Variants in LDAH observed in about 807,000 individuals in gnomAD.
LDAH encodes lipid droplet associated hydrolase, also known as lipid droplet-associated hydrolase.
LDAH carries 26 observed loss-of-function variants against 29.6 expected under a neutral mutation model. That is an observed-to-expected ratio of 0.88 (90% CI 0.64 to 1.22). The LOEUF is 1.22. Among genes scored for constraint, LDAH ranks in the 50% most tolerant of loss-of-function variants. The pLI is 0.00. For missense variants in LDAH, 344 were observed against 387.3 expected (o/e 0.89, Z 0.94); for synonymous variants, 117 against 133.0 (o/e 0.88, Z 0.83).
chr2:20,782,676 T>C (rs1670276134), intron 3 of LDAH, among the ~76,000 whole-genome samples: 1 of 152,196 alleles, frequency 6.6e-6, no homozygotes, highest in Non-Finnish European at 1.5e-5. Context: ...AATCTTCTTT[T>C]CTTTCTGAAT....
At chr2:20,754,890 T>A in intron 4 of LDAH, among the ~76,000 whole-genome samples, 1 of 152,080 alleles carries the variant, frequency 6.6e-6, no homozygotes, top group East Asian at 1.9e-4. Flanking sequence ...CAGACCATAG[T>A]GGAAGAGGGA....
At chr2:20,711,781 C>A (rs1664783470) in intron 5 of LDAH, among the ~76,000 whole-genome samples, 1 of 152,262 alleles carries the variant, frequency 6.6e-6, no homozygotes, top group African/African-American at 2.4e-5. Flanking sequence ...GCCTTGCTCA[C>A]TGCTAGCGCA....
In LDAH at chr2:20,809,578, A is replaced by AAT. The variant is rs140313772; in HGVS notation, c.-2-8115_-2-8114dup. 9.1e-3 allele frequency among the ~76,000 whole-genome samples: 1,388 copies of AAT among 152,246 alleles called. 30 individuals are homozygous for AAT. The highest frequency in any genetic ancestry group is 0.032 in the African/African-American group (1,327 of 41,540). On this transcript the variant is annotated intron_variant, in intron 1 of 6. Transcript: ENST00000237822. ...TCTGAAAACGAGCCTGTTGTTAGGA[A>AAT]ATATATATATACACACAGGATATAA...
rs369120852 is a variant in LDAH at position 20,702,667 on chromosome 2, G to A, written c.704-1015C>T. On this transcript the variant is annotated intron_variant, in intron 5 of 6. Transcript: ENST00000237822. ...TAAATTCCATTTTTATTTATCTAGT[G>A]GTTAGCCTTACCTAAAAACTGCAAA... 2.9e-3 allele frequency among the ~76,000 whole-genome samples: 440 copies of A among 152,050 alleles called. 3 individuals carry two copies. The highest frequency in any genetic ancestry group is 1.0e-2 in the African/African-American group (414 of 41,464).
At chr2:20,765,284 A>G (rs1213916081) in intron 4 of LDAH, among the ~76,000 whole-genome samples, 2 of 152,162 alleles carry the variant, frequency 1.3e-5, no homozygotes, top group Admixed American at 1.3e-4. Flanking sequence ...AGTTCCCTTG[A>G]CCAGCTTCTT....
chr2:20,690,058 T>G (rs1662882893), intron 6 of LDAH, among the ~76,000 whole-genome samples: 1 of 152,226 alleles, frequency 6.6e-6, no homozygotes, highest in African/African-American at 2.4e-5. Flanking sequence ...TACCATTTAC[T>G]TTTCTGTGAT....
At chr2:20,738,495 A>G (rs1468217107) in intron 5 of LDAH, among the ~76,000 whole-genome samples, 1 of 151,976 alleles carries the variant, frequency 6.6e-6, no homozygotes, top group East Asian at 1.9e-4. Context: ...TTTGCTTTGC[A>G]CTGCAGACTC....
chr2:20,784,665 G>A (rs138759376), intron 3 of LDAH, among the ~76,000 whole-genome samples: 28 of 151,926 alleles, frequency 1.8e-4, no homozygotes, highest in Non-Finnish European at 2.9e-4. Context: ...CGGGCAGATC[G>A]CTTGAGCCCA....
At chr2:20,761,800 A>T (rs1175459592) in intron 4 of LDAH, among the ~76,000 whole-genome samples, 2 of 152,150 alleles carry the variant, frequency 1.3e-5, no homozygotes, top group Middle Eastern at 3.2e-3. Flanking sequence ...TTAAATTTTT[A>T]AAAAAGATCT....
chr2:20,736,110 T>G (rs187190195), intron 5 of LDAH, among the ~76,000 whole-genome samples: 1 of 152,022 alleles, frequency 6.6e-6, no homozygotes, highest in Non-Finnish European at 1.5e-5. Context: ...TGGAGTAGAG[T>G]AGAGCAGTTA....
intron 4 of LDAH, among the ~76,000 whole-genome samples, chr2:20,762,364 C>T (rs1244912416): frequency 1.3e-5 from 2 of 151,946 alleles, no homozygotes; most frequent in Non-Finnish European, 2.9e-5. Flanking sequence ...TAAAGAAAAG[C>T]AGAAACAATG....
intron 6 of LDAH, among the ~76,000 whole-genome samples, chr2:20,699,841 T>C (rs758612330): frequency 1.3e-5 from 2 of 152,224 alleles, no homozygotes; most frequent in Non-Finnish European, 2.9e-5. Context: ...CTGGGAATGA[T>C]TACACTTGCA....
At chr2:20,714,375 T>C (rs1018499378) in intron 5 of LDAH, among the ~76,000 whole-genome samples, 4 of 152,120 alleles carry the variant, frequency 2.6e-5, no homozygotes, top group South Asian at 2.1e-4. Flanking sequence ...GGGACACATT[T>C]AAAGCAGTGT....
chr2:20,808,547 C>T (rs2125131351), intron 1 of LDAH, among the ~76,000 whole-genome samples: 1 of 151,940 alleles, frequency 6.6e-6, no homozygotes, highest in Middle Eastern at 3.4e-3. Context: ...GTCTATAATC[C>T]CAGCTACTCA....
Position 20,777,447 on chromosome 2 carries a change from T to C in LDAH, c.299-2468A>G, listed in dbSNP as rs139087495. Among the ~76,000 whole-genome samples the C allele has an allele frequency of 7.9e-3, 1,197 of 152,296 alleles. 11 individuals are homozygous for C. Among genetic ancestry groups the C allele is most frequent in the African/African-American group, 0.027 (1,134 of 41,554 alleles). Reference sequence around the variant, plus strand: ...TATTTTTATTTATTTATTTTTGAGATGGAGTCTCACTCTGTCGCCCAGGCT... The same window carrying C: ...TATTTTTATTTATTTATTTTTGAGACGGAGTCTCACTCTGTCGCCCAGGCT... On this transcript the variant is annotated intron_variant, in intron 3 of 6. Transcript: ENST00000237822.
chr2:20,718,691 A>T (rs909303005), intron 5 of LDAH, among the ~76,000 whole-genome samples: 3 of 152,176 alleles, frequency 2.0e-5, no homozygotes, highest in South Asian at 2.1e-4. Flanking sequence ...TGAGCATTTC[A>T]TCCAACTACT....
chr2:20,769,681 G>GT (rs1217750473), intron 4 of LDAH, among the ~76,000 whole-genome samples: 2 of 152,082 alleles, frequency 1.3e-5, no homozygotes, highest in African/African-American at 4.8e-5. Context: ...AGCTATAGTT[G>GT]TATGTTGAGT....
At chr2:20,709,695 A>G (rs1664567628) in intron 5 of LDAH, among the ~76,000 whole-genome samples, 1 of 152,210 alleles carries the variant, frequency 6.6e-6, no homozygotes, top group Admixed American at 6.5e-5. Flanking sequence ...AAACTTGTAC[A>G]TGAGTGTTTA....
chr2:20,682,859 A>C (rs1043145667), downstream of LDAH, among the ~76,000 whole-genome samples: 2 of 152,142 alleles, frequency 1.3e-5, no homozygotes, highest in African/African-American at 4.8e-5. Flanking sequence ...CTCAGTGGTA[A>C]TCTGTATAAT....
Sources: gnomAD v4.1 joint callset for allele counts (sites outside exome capture counted in the v4.1 genomes callset) on GRCh38, gnomAD v4.1.1 for gene constraint, MANE v1.5 for transcripts, NCBI Gene and HGNC (gene_info 2026-07-23, HGNC 2026-07-21) for gene names.